DNM3: variants seen among roughly 807,000 people sequenced by gnomAD.
The protein encoded by DNM3 is dynamin 3.
Under a neutral mutation model 101.6 loss-of-function variants are expected in DNM3, and 47 were observed. The observed-to-expected ratio is 0.46, with a 90% CI of 0.37 to 0.59. DNM3 has a LOEUF of 0.59. Among genes scored for constraint, DNM3 ranks in the 20% least tolerant of loss-of-function variants. The pLI, the probability that DNM3 is intolerant of heterozygous loss-of-function variation, is 0.00. For missense variants in DNM3, 849 were observed against 1,085.7 expected (o/e 0.78, Z 3.06); for synonymous variants, 385 against 387.9 (o/e 0.99, Z 0.09).
intron 14 of DNM3, among the ~76,000 whole-genome samples, chr1:172,218,159 A>C (rs1407593935): frequency 1.3e-5 from 2 of 152,148 alleles, no homozygotes; most frequent in Non-Finnish European, 2.9e-5. Flanking sequence ...ATCATTACAG[A>C]GAGTACTTTA....
chr1:172,225,349 A>T (rs746763278), intron 14 of DNM3, among the ~76,000 whole-genome samples: 8 of 151,292 alleles, frequency 5.3e-5, no homozygotes, highest in Non-Finnish European at 1.2e-4. Context: ...GTTGGCCAGG[A>T]TGGTCTCGAT....
At chr1:172,007,489 G>A (rs746434078) in intron 4 of DNM3, among the ~76,000 whole-genome samples, 2 of 151,990 alleles carry the variant, frequency 1.3e-5, no homozygotes, top group Non-Finnish European at 2.9e-5. Context: ...AGTTGTGTTC[G>A]TCTTCTTAGG....
intron 13 of DNM3, among the ~76,000 whole-genome samples, chr1:172,114,545 C>G (rs1444495996): frequency 6.6e-6 from 1 of 152,160 alleles, no homozygotes; most frequent in Admixed American, 6.5e-5. Flanking sequence ...ATAAGGTATC[C>G]CAATTTATCT....
At chr1:172,177,073 G>A (rs2059177139) in intron 14 of DNM3, among the ~76,000 whole-genome samples, 1 of 151,796 alleles carries the variant, frequency 6.6e-6, no homozygotes, top group African/African-American at 2.4e-5. Flanking sequence ...TGAGGAATTG[G>A]CGATGGTGTG....
intron 15 of DNM3, among the ~76,000 whole-genome samples, chr1:172,256,834 A>C (rs1026586912): frequency 1.3e-5 from 2 of 150,634 alleles, no homozygotes; most frequent in African/African-American, 4.9e-5. Context: ...GGTAGTGTTT[A>C]GCTGCTTACT....
intron 14 of DNM3, among the ~76,000 whole-genome samples, chr1:172,202,183 T>A (rs610082): frequency 0.24 from 35,888 of 152,052 alleles, 7,099 homozygotes; most frequent in African/African-American, 0.54. Flanking sequence ...GTAAGCCATC[T>A]TGCTTTATCT....
At chr1:172,183,799 T>G (rs1746424) in intron 14 of DNM3, among the ~76,000 whole-genome samples, 18 of 97,222 alleles carry the variant, frequency 1.9e-4, no homozygotes, top group African/African-American at 4.2e-5. Context: ...TTTTTTTTTG[T>G]AGAAACAGGG....
intron 17 of DNM3, among the ~76,000 whole-genome samples, chr1:172,336,484 C>T (rs991971867): frequency 1.4e-5 from 2 of 146,936 alleles, no homozygotes; most frequent in African/African-American, 5.2e-5. Context: ...TAAAGGTTTT[C>T]TATAATTATA....
chr1:172,339,385 A>G (rs1326163801), intron 17 of DNM3, among the ~76,000 whole-genome samples: 20 of 152,158 alleles, frequency 1.3e-4, no homozygotes, highest in Admixed American at 1.3e-3. Context: ...CACCTTAGCA[A>G]CCTCATCTCT....
intron 1 of DNM3, among the ~76,000 whole-genome samples, chr1:171,871,857 T>C (rs1279371114): frequency 1.7e-5 from 2 of 118,320 alleles, no homozygotes; most frequent in Non-Finnish European, 3.4e-5. Flanking sequence ...ATTTTAGTTG[T>C]TGTCTTGTTT....
chr1:172,087,259 T>C (rs1423338348), intron 12 of DNM3, among the ~76,000 whole-genome samples: 1 of 152,172 alleles, frequency 6.6e-6, no homozygotes. Context: ...TAGGAGCTCT[T>C]CATCTTCTGA....
At chr1:172,366,786 T>C (rs1025762297) in intron 17 of DNM3, 8 of 151,740 alleles carry the variant, frequency 5.3e-5, no homozygotes, top group African/African-American at 1.7e-4. Context: ...AAAGAAAGAA[T>C]TTTTAAACTT....
At chr1:171,997,920 A>G (rs2046107613) in intron 4 of DNM3, among the ~76,000 whole-genome samples, 1 of 152,136 alleles carries the variant, frequency 6.6e-6, no homozygotes, top group Non-Finnish European at 1.5e-5. Flanking sequence ...AGGGGATGTG[A>G]TTTGGCCTGC....
At chr1:171,922,732 A>G (rs1198652438) in intron 2 of DNM3, among the ~76,000 whole-genome samples, 3 of 152,194 alleles carry the variant, frequency 2.0e-5, no homozygotes. Flanking sequence ...CCTAGGCACT[A>G]CTAACCTATG....
chr1:172,402,805 G>T (rs182750424), intron 20 of DNM3, among the ~76,000 whole-genome samples: 4 of 152,256 alleles, frequency 2.6e-5, no homozygotes, highest in Admixed American at 2.6e-4. Flanking sequence ...ATTCCTAAAG[G>T]TATCAAAGTG....
At chr1:172,124,186 C>T (rs1010151401) in intron 13 of DNM3, among the ~76,000 whole-genome samples, 3 of 152,030 alleles carry the variant, frequency 2.0e-5, no homozygotes, top group Non-Finnish European at 4.4e-5. Context: ...TTTGTGAGCC[C>T]CCTCCTCAAT....
intron 13 of DNM3, among the ~76,000 whole-genome samples, chr1:172,113,815 C>G (rs1299593412): frequency 6.6e-6 from 1 of 151,988 alleles, no homozygotes; most frequent in African/African-American, 2.4e-5. Flanking sequence ...ATTTTAATTC[C>G]CTGATAGGCC....
At chr1:171,961,189 T>A (rs2043188132) in intron 2 of DNM3, among the ~76,000 whole-genome samples, 1 of 152,002 alleles carries the variant, frequency 6.6e-6, no homozygotes, top group Non-Finnish European at 1.5e-5. Context: ...GGAGGGATGT[T>A]GGTACAAGGA....
At position 172,127,704 on chromosome 1, in the gene DNM3, G is replaced by A. The variant is rs1229372531; in HGVS notation, c.1546-3471G>A. Among the ~76,000 whole-genome samples the A allele has an allele frequency of 2.6e-5, 4 of 152,028 alleles. No homozygotes were observed. In the East Asian group the frequency reaches 5.8e-4, roughly 22 times the overall value. On this transcript the variant is annotated intron_variant, in intron 13 of 20. Coordinates refer to ENST00000627582, the MANE Select transcript of DNM3 (RefSeq NM_015569.5). ...GATTACAGGTGTCAGCACCGTGCTC[G>A]GCCCTCTCTACTAATTATGAATCAA...
Sources: allele counts gnomAD v4.1 joint callset (sites outside exome capture counted in the v4.1 genomes callset), GRCh38; gene constraint gnomAD v4.1.1; transcripts MANE v1.5; gene names NCBI Gene and HGNC (gene_info 2026-07-23, HGNC 2026-07-21).